Variants in CNIH2 observed in about 807,000 individuals in gnomAD.
CNIH2 encodes protein cornichon homolog 2.
CNIH2 carries 8 observed loss-of-function variants against 22.9 expected under a neutral mutation model. The ratio of observed to expected loss-of-function variants is 0.35; its 90% CI spans 0.20 to 0.63. The LOEUF is 0.63. Among genes scored for constraint, CNIH2 ranks in the 30% least tolerant of loss-of-function variants. The pLI, the probability that CNIH2 is intolerant of heterozygous loss-of-function variation, is 0.72. For synonymous variants in CNIH2, 74 were observed against 78.2 expected (o/e 0.95, Z 0.28); for missense variants, 105 against 206.2 (o/e 0.51, Z 3.01).
chr11:66,283,705 G>A lies in CNIH2; in HGVS notation c.*108G>A, dbSNP rs1857300458. Reference sequence around the variant, plus strand: ...CAGCCCTGGGGAGGGAGGGGGCACTGGTGCCCCCAGCCTCTCCAACCCCCA... The same window carrying A: ...CAGCCCTGGGGAGGGAGGGGGCACTAGTGCCCCCAGCCTCTCCAACCCCCA... On this transcript the variant is annotated 3_prime_UTR_variant, in exon 6 of 6. Transcript: ENST00000311445. 30 of 1,253,408 alleles carry A rather than the reference G, an allele frequency of 2.4e-5. No homozygotes were observed. Among genetic ancestry groups the A allele is most frequent in the Non-Finnish European group, 3.1e-5 (28 of 898,840 alleles). 77.6% of individuals were successfully genotyped at this position (1,253,408 alleles called of 1,614,324 possible). A position where few individuals can be genotyped will look rare whatever the true frequency, so the allele number is the denominator to read the frequency against.
chr11:66,283,667 G>C lies in CNIH2; in HGVS notation c.*70G>C. On this transcript the variant is annotated 3_prime_UTR_variant, in exon 6 of 6. Transcript: ENST00000311445. ...TGTGCACCCCCAGCCCTGCCCCTTG[G>C]CCGCAGAGGCCTCAGCCCTGGGGAG... is the stretch of plus-strand genomic sequence containing the variant. 6.6e-7 allele frequency: 1 copy of C among 1,520,528 alleles called. No homozygotes were observed. The highest frequency in any genetic ancestry group is 8.9e-7 in the Non-Finnish European group (1 of 1,122,180). The allele number at this position is 1,520,528 out of a possible 1,614,324, so 94.2% of individuals were successfully genotyped here. A position where few individuals can be genotyped will look rare whatever the true frequency, so the allele number is the denominator to read the frequency against.
intron 1 of CNIH2, among the ~76,000 whole-genome samples, chr11:66,278,922 C>G (rs995623315): frequency 4.9e-5 from 5 of 102,802 alleles, no homozygotes; most frequent in Non-Finnish European, 1.1e-4. Context: ...GCTGCCCCCC[C>G]CCCCCCGCCT....
intron 1 of CNIH2, 111 bp downstream of exon 1, chr11:66,278,648 C>T: frequency 2.8e-6 from 2 of 710,930 alleles, no homozygotes; most frequent in Non-Finnish European, 3.8e-6. Flanking sequence ...CTTGCTATCC[C>T]CCAGCCGTCG....
At chr11:66,279,438 C>T (rs1857224878) in intron 1 of CNIH2, among the ~76,000 whole-genome samples, 1 of 152,034 alleles carries the variant, frequency 6.6e-6, no homozygotes, top group Non-Finnish European at 1.5e-5. Flanking sequence ...ACTTTACTGC[C>T]CTCCGTCCCC....
Position 66,283,709 on chromosome 11 carries a change from C to G in CNIH2, c.*112C>G, listed in dbSNP as rs1430192324. 1 of 1,220,230 alleles carries G rather than the reference C, an allele frequency of 8.2e-7. No homozygotes were observed. The highest frequency in any genetic ancestry group is 1.1e-6 in the Non-Finnish European group (1 of 875,824). The allele number at this position is 1,220,230 out of a possible 1,614,324, so 75.6% of individuals were successfully genotyped here. A position where few individuals can be genotyped will look rare whatever the true frequency, so the allele number is the denominator to read the frequency against. On this transcript the variant is annotated 3_prime_UTR_variant, in exon 6 of 6. Coordinates refer to ENST00000311445, the MANE Select transcript of CNIH2 (RefSeq NM_182553.3). ...CCTGGGGAGGGAGGGGGCACTGGTG[C>G]CCCCAGCCTCTCCAACCCCCAAACT...
In CNIH2 at chr11:66,278,435, G is replaced by T; in HGVS notation, c.-22G>T. The T allele has an allele frequency of 1.7e-6, 2 of 1,196,370 alleles. No homozygotes were observed. The highest frequency in any genetic ancestry group is 2.1e-6 in the Non-Finnish European group (2 of 954,992). 74.1% of individuals were successfully genotyped at this position (1,196,370 alleles called of 1,614,324 possible). A position where few individuals can be genotyped will look rare whatever the true frequency, so the allele number is the denominator to read the frequency against. ...CGGGCCCCGCGCTGGCGCCCCCCGGGCCGCCGCCCGGCGCGGGGGCCATGG... is the reference window on the plus strand; with the variant it reads ...CGGGCCCCGCGCTGGCGCCCCCCGGTCCGCCGCCCGGCGCGGGGGCCATGG... On this transcript the variant is annotated 5_prime_UTR_variant, in exon 1 of 6. Transcript: ENST00000311445.
At position 66,278,341 on chromosome 11, in the gene CNIH2, C is replaced by A. The variant is rs1857193910; in HGVS notation, c.-116C>A. 1 of 245,422 alleles carries A rather than the reference C, an allele frequency of 4.1e-6. No homozygotes were observed. The highest frequency in any genetic ancestry group is 6.4e-6 in the Non-Finnish European group (1 of 155,622). 15.2% of individuals were successfully genotyped at this position (245,422 alleles called of 1,614,324 possible). On this transcript the variant is annotated 5_prime_UTR_variant, in exon 1 of 6. Coordinates refer to ENST00000311445, the MANE Select transcript of CNIH2 (RefSeq NM_182553.3). ...GTCCCGGTCCCGGCCGCATCACCCA[C>A]GTCCCCCGAGCCCCACGGGCCATGC...
intron 2 of CNIH2, 65 bp from the exon 3 acceptor site, chr11:66,282,668 G>T: frequency 6.4e-7 from 1 of 1,566,036 alleles, no homozygotes; most frequent in South Asian, 1.1e-5. Flanking sequence ...CATGTGGAGC[G>T]GTGGGAGCTG....
Position 66,282,766 on chromosome 11 carries a change from T to G in CNIH2, c.184T>G (p.Cys62Gly). ...TTTAAAAAACATCGAACGCATCTGC[T>G]GCCTCCTGAGGAAGGTCAGTGTCAG... ...ERLKNIERIC[C>G]LLRKLVVPEY... The change falls in exon 3 of 6, where the codon TGC becomes GGC. Residue 62 changes from cysteine (C) to glycine (G), a missense_variant. Cys to Gly is a radical substitution (Grantham distance 159, BLOSUM62 -3). Transcript: ENST00000311445. 6.2e-7 allele frequency: 1 copy of G among 1,612,842 alleles called. No homozygotes were observed. Among genetic ancestry groups the G allele is most frequent in the Non-Finnish European group, 8.5e-7 (1 of 1,179,698 alleles).
rs376182723 is a variant in CNIH2, at chr11:66,283,619, G to A, written c.*22G>A. ...CTAAGGGGGAAGCCGGCCAGGGAGC[G>A]AGCCCAGAACGGACCGGACGCCTGT... On this transcript the variant is annotated 3_prime_UTR_variant, in exon 6 of 6. Transcript: ENST00000311445. The A allele has an allele frequency of 8.4e-5, 131 of 1,562,566 alleles. 2 individuals carry two copies. The East Asian group carries it at 1.9e-3, about 22-fold the overall frequency.
rs753475651 is a variant in CNIH2, at chr11:66,282,701, A to C, written c.151-32A>C. 4 of 1,613,082 alleles carry C rather than the reference A, an allele frequency of 2.5e-6. No individual in the cohort carries two copies. The South Asian group carries it at 4.4e-5, about 18-fold the overall frequency. ...CTGCTCCAGTACCTGCTTCTCCGCC[A>C]CCCCATCGCGGCCTTTTCCTTCCCC... On this transcript the variant is annotated intron_variant, in intron 2 of 5. Coordinates refer to ENST00000311445, the MANE Select transcript of CNIH2 (RefSeq NM_182553.3).
At chr11:66,282,660 T>G in intron 2 of CNIH2, 73 bp from the exon 3 acceptor site, 1 of 1,549,524 alleles carries the variant, frequency 6.5e-7, no homozygotes, top group Non-Finnish European at 8.9e-7. Context: ...GGCGGCCACA[T>G]GTGGAGCGGT....
chr11:66,283,735 G>A lies in CNIH2; in HGVS notation c.*138G>A. On this transcript the variant is annotated 3_prime_UTR_variant, in exon 6 of 6. Coordinates refer to ENST00000311445, the MANE Select transcript of CNIH2 (RefSeq NM_182553.3). ...CCCCAGCCTCTCCAACCCCCAAACT[G>A]CTGCTGCGGGGAACCCCCCCCACCC... The A allele has an allele frequency of 1.1e-6, 1 of 911,648 alleles. No individual in the cohort carries two copies. 56.5% of individuals were successfully genotyped at this position (911,648 alleles called of 1,614,324 possible).
intron 1 of CNIH2, 41 bp downstream of exon 1, chr11:66,278,578 G>A (rs1325462472): frequency 1.5e-6 from 1 of 671,378 alleles, no homozygotes; most frequent in Admixed American, 3.1e-5. Context: ...CGGGGTGGGG[G>A]GCAGGGGCCA....
intron 2 of CNIH2, 96 bp downstream of exon 2, chr11:66,282,423 T>TGGGGGGTTGGGGGGGGGGGGGGG: frequency 6.8e-6 from 1 of 147,064 alleles, no homozygotes. Flanking sequence ...GGGGGTGGGG[T>TGGGGGGTTGGGGGGGGGGGGGGG]GGGGGGCCTA....
chr11:66,281,407 T>A (rs1590891571), intron 1 of CNIH2: 1 of 456,184 alleles, frequency 2.2e-6, no homozygotes, highest in Non-Finnish European at 4.4e-6. Context: ...TGAATCCACA[T>A]ACCGGCCAGG....
In CNIH2 at chr11:66,283,581, C is replaced by T. The variant is rs367930521; in HGVS notation, c.467C>T (p.Thr156Met). 3.2e-6 allele frequency: 5 copies of T among 1,585,162 alleles called. No individual in the cohort carries two copies. The highest frequency in any genetic ancestry group is 1.1e-5 in the South Asian group (1 of 87,890). Residue 156 changes from threonine to methionine, a missense_variant, in exon 6 of 6, where the codon ACG (threonine) becomes ATG (methionine). By Grantham distance (81) the Thr-to-Met change is moderately conservative. Coordinates refer to ENST00000311445, the MANE Select transcript of CNIH2 (RefSeq NM_182553.3). ...TCATCTTCCTACAGTATGGTTTATA[C>T]GTTGGTGAGTTTCTAAGGGGGAAGC... is the stretch of plus-strand genomic sequence containing the variant. ...FFYYLYSMVY[T>M]LVSF
Position 66,282,713 on chromosome 11 carries a change from C to T in CNIH2, c.151-20C>T. On this transcript the variant is annotated intron_variant, in intron 2 of 5. Transcript: ENST00000311445. ...CTGCTTCTCCGCCACCCCATCGCGG[C>T]CTTTTCCTTCCCCCAACAGCGCGAG... 10 of 1,613,694 alleles carry T rather than the reference C, an allele frequency of 6.2e-6. No individual in the cohort carries two copies. The highest frequency in any genetic ancestry group is 8.5e-6 in the Non-Finnish European group (10 of 1,179,942).
chr11:66,283,435 C>T (rs1449826856), intron 5 of CNIH2, 44 bp downstream of exon 5: 1 of 1,612,030 alleles, frequency 6.2e-7, no homozygotes, highest in African/African-American at 1.3e-5. Flanking sequence ...GAAGGGATGT[C>T]CCAGCATCAC....
Sources: gnomAD v4.1 joint callset for allele counts (sites outside exome capture counted in the v4.1 genomes callset) on GRCh38, gnomAD v4.1.1 for gene constraint, MANE v1.5 for transcripts, NCBI Gene and HGNC (gene_info 2026-07-23, HGNC 2026-07-21) for gene names.